The following LIMK1 variants were observed in gnomAD, a reference collection of about 807,000 sequenced individuals.
The protein encoded by LIMK1 is LIM domain kinase 1.
Under a neutral mutation model 77.6 loss-of-function variants are expected in LIMK1, and 21 were observed. The ratio of observed to expected loss-of-function variants is 0.27; its 90% CI spans 0.19 to 0.39. LIMK1 has a LOEUF of 0.39. Ranked by LOEUF, LIMK1 falls within the 10% of genes least tolerant of loss-of-function variation. The pLI is 1.00. For missense variants in LIMK1, 696 were observed against 901.6 expected (o/e 0.77, Z 2.92); for synonymous variants, 358 against 370.0 (o/e 0.97, Z 0.37).
rs1799399355 is a variant in LIMK1, at chr7:74,099,106, T to G, written c.476T>G (p.Leu159Arg). The G allele has an allele frequency of 6.2e-7, 1 of 1,612,796 alleles. No homozygotes were observed. The highest frequency in any genetic ancestry group is 1.3e-5 in the African/African-American group (1 of 74,574). ...QILPDSPGSH[L>R]PHTVTLVSIP... Reference sequence around the variant, plus strand: ...CTGCCTGACTCCCCTGGCTCCCACCTGCCCCACACCGTCACCCTGGTGTCC... The same window carrying G: ...CTGCCTGACTCCCCTGGCTCCCACCGGCCCCACACCGTCACCCTGGTGTCC... The change falls in exon 5 of 16, where the codon CTG (leucine) becomes CGG (arginine). Residue 159 changes from leucine to arginine, a missense_variant. Coordinates refer to ENST00000336180, the MANE Select transcript of LIMK1 (RefSeq NM_002314.4).
chr7:74,116,400 G>A (rs981895952), intron 13 of LIMK1, among the ~76,000 whole-genome samples: 3 of 152,068 alleles, frequency 2.0e-5, no homozygotes, highest in Non-Finnish European at 2.9e-5. Flanking sequence ...GGTGACGAGC[G>A]AAACTCCATC....
intron 2 of LIMK1, among the ~76,000 whole-genome samples, chr7:74,088,595 G>A (rs1324918277): frequency 1.3e-5 from 2 of 152,018 alleles, no homozygotes; most frequent in Non-Finnish European, 2.9e-5. Flanking sequence ...GACCCCAGGA[G>A]CTTGAGACCA....
chr7:74,096,903 C>A, intron 3 of LIMK1, 143 bp downstream of exon 3: 1 of 1,192,822 alleles, frequency 8.4e-7, no homozygotes, highest in Non-Finnish European at 1.2e-6. Flanking sequence ...GACTGTCTGT[C>A]TGTATCCCTC....
At position 74,106,961 on chromosome 7, in the gene LIMK1, G is replaced by A. The variant is rs369432229; in HGVS notation, c.882-49G>A. 258 of 1,482,800 alleles carry A rather than the reference G, an allele frequency of 1.7e-4. 3 individuals are homozygous for A. The African/African-American group carries it at 2.2e-3, about 13-fold the overall frequency. 91.9% of individuals were successfully genotyped at this position (1,482,800 alleles called of 1,614,324 possible). Reference sequence around the variant, plus strand: ...AGGAGGAAGGGGCAGGGCCTTGGCCGGGTGCTACCTGTCCCCCGGTGGCAC... The same window carrying A: ...AGGAGGAAGGGGCAGGGCCTTGGCCAGGTGCTACCTGTCCCCCGGTGGCAC... On this transcript the variant is annotated intron_variant, in intron 7 of 15. Transcript: ENST00000336180.
intron 1 of LIMK1, among the ~76,000 whole-genome samples, 181 bp downstream of exon 1, chr7:74,084,226 C>T (rs1363463502): frequency 6.6e-6 from 1 of 151,918 alleles, no homozygotes; most frequent in African/African-American, 2.4e-5. Context: ...CCCTCCCCGG[C>T]CCCCGGCGAG....
In LIMK1 at chr7:74,121,178, C is replaced by T; in HGVS notation, c.1821C>T (p.Leu607=). 4 of 1,613,724 alleles carry T rather than the reference C, an allele frequency of 2.5e-6. No homozygotes were observed. The highest frequency in any genetic ancestry group is 1.1e-5 in the South Asian group (1 of 91,084). ...AGCTGGAACACTGGCTGGAGACCCT[C>T]CGCATGCACCTGGCCGGCCACCTGC... ...FVKLEHWLET[L]RMHLAGHLPL... The change falls in exon 16 of 16, where the codon CTC becomes CTT. Residue 607 remains leucine (L), a synonymous_variant. Coordinates refer to ENST00000336180, the MANE Select transcript of LIMK1 (RefSeq NM_002314.4).
intron 2 of LIMK1, among the ~76,000 whole-genome samples, chr7:74,090,135 G>T (rs1238531931): frequency 6.6e-6 from 1 of 152,144 alleles, no homozygotes; most frequent in African/African-American, 2.4e-5. Flanking sequence ...AGCACTTTGG[G>T]AGGCCAAGGC....
Position 74,085,862 on chromosome 7 carries a change from G to T in LIMK1, c.152+18G>T. On this transcript the variant is annotated intron_variant, in intron 2 of 15. Transcript: ENST00000336180. Reference sequence around the variant, plus strand: ...TGCTTCAGGTAGGGTGGGGTGCCCAGGGCCTGTGTTGCCCTAAACAAGGCC... The same window carrying T: ...TGCTTCAGGTAGGGTGGGGTGCCCATGGCCTGTGTTGCCCTAAACAAGGCC... The T allele has an allele frequency of 6.5e-7, 1 of 1,538,600 alleles. No homozygotes were observed. The highest frequency in any genetic ancestry group is 1.2e-5 in the South Asian group (1 of 83,960).
chr7:74,117,905 C>T (rs373023751), intron 13 of LIMK1, among the ~76,000 whole-genome samples: 4 of 151,586 alleles, frequency 2.6e-5, no homozygotes, highest in East Asian at 3.9e-4. Flanking sequence ...GCCAGGAGTT[C>T]GAGACCAGCC....
chr7:74,093,501 C>T (rs782763306), intron 2 of LIMK1, among the ~76,000 whole-genome samples: 6 of 152,230 alleles, frequency 3.9e-5, no homozygotes, highest in Non-Finnish European at 5.9e-5. Flanking sequence ...GAGGCCGGTC[C>T]TCCACCTGCT....
chr7:74,087,216 A>G (rs1584104530), intron 2 of LIMK1, among the ~76,000 whole-genome samples: 1 of 152,106 alleles, frequency 6.6e-6, no homozygotes, highest in South Asian at 2.1e-4. Flanking sequence ...AAGCCTGGGC[A>G]ATATGGCAAC....
At chr7:74,114,551 C>CAAA (rs547931306) in intron 12 of LIMK1, among the ~76,000 whole-genome samples, 1 of 67,236 alleles carries the variant, frequency 1.5e-5, no homozygotes, top group Non-Finnish European at 3.3e-5. Flanking sequence ...GACTCTGCCT[C>CAAA]AAAAAAAAAA....
At chr7:74,120,271 G>T (rs1407344386) in intron 13 of LIMK1, among the ~76,000 whole-genome samples, 2 of 152,202 alleles carry the variant, frequency 1.3e-5, no homozygotes, top group African/African-American at 4.8e-5. Flanking sequence ...AGATTCCAGA[G>T]ACCTGACATG....
intron 12 of LIMK1, among the ~76,000 whole-genome samples, chr7:74,114,594 A>G (rs1799770187): frequency 1.3e-5 from 2 of 151,246 alleles, no homozygotes; most frequent in African/African-American, 2.4e-5. Context: ...CAAAAAACAT[A>G]GACCTCACCT....
In LIMK1 at chr7:74,108,957, T is replaced by C; in HGVS notation, c.1205T>C (p.Val402Ala). ...CCCAACGTGCTCAAGTTCATCGGGGTGCTCTACAAGGACAAGAGGCTCAAC... is the reference window on the plus strand; with the variant it reads ...CCCAACGTGCTCAAGTTCATCGGGGCGCTCTACAAGGACAAGAGGCTCAAC... ...EHPNVLKFIG[V>A]LYKDKRLNFI... is the part of the protein sequence containing the mutation. The change falls in exon 10 of 16, where the codon GTG (valine) becomes GCG (alanine). Residue 402 changes from valine (V) to alanine (A), a missense_variant. This residue lies in a region of LIMK1 where 438 missense variants were observed against 602.3 expected (regional missense o/e 0.73). Coordinates refer to ENST00000336180, the MANE Select transcript of LIMK1 (RefSeq NM_002314.4). 2 of 1,613,918 alleles carry C rather than the reference T, an allele frequency of 1.2e-6. No individual in the cohort carries two copies. The highest frequency in any genetic ancestry group is 1.7e-6 in the Non-Finnish European group (2 of 1,179,962).
Position 74,099,189 on chromosome 7 carries a change from G to T in LIMK1, c.559G>T (p.Gly187Cys). Residue 187 changes from glycine (G) to cysteine (C), a missense_variant, in exon 5 of 16, where the codon GGC (glycine) becomes TGC (cysteine). Physicochemically the swap from Gly to Cys is radical, Grantham distance 159 (BLOSUM62 -3). Transcript: ENST00000336180. Reference protein sequence around the residue: ...GLSVSIDPPHGPPGCGTEHSH... With the variant: ...GLSVSIDPPHCPPGCGTEHSH... ...TTCAGTCTCCATTGACCCCCCGCAC[G>T]GCCCACCGGGCTGTGGCACCGAGCA... The T allele has an allele frequency of 1.2e-6, 2 of 1,611,050 alleles. No individual in the cohort carries two copies. The highest frequency in any genetic ancestry group is 1.7e-6 in the Non-Finnish European group (2 of 1,180,006).
rs1170806551 is a variant in LIMK1 at position 74,107,146 on chromosome 7, A to C, written c.1018A>C (p.Ile340Leu). The C allele has an allele frequency of 6.2e-7, 1 of 1,612,934 alleles. No individual in the cohort carries two copies. The highest frequency in any genetic ancestry group is 1.3e-5 in the African/African-American group (1 of 74,946). ...CCGCATCTTCCGGCCGTCGGACCTC[A>C]TCCACGGGGAGGTGCTGGGCAAGGG... is the stretch of plus-strand genomic sequence containing the variant. ...PHRIFRPSDL[I>L]HGEVLGKGCF... is the part of the protein sequence containing the mutation. The change falls in exon 8 of 16, where the codon ATC (isoleucine) becomes CTC (leucine). Residue 340 changes from isoleucine (I) to leucine (L), a missense_variant. Physicochemically the swap from Ile to Leu is conservative, Grantham distance 5 (BLOSUM62 2). Around this residue, in one of 3 missense-constraint regions of LIMK1, gnomAD observed 438 missense variants for 602.3 expected, o/e 0.73. Coordinates refer to ENST00000336180, the MANE Select transcript of LIMK1 (RefSeq NM_002314.4).
At position 74,091,391 on chromosome 7, in the gene LIMK1, C is replaced by G. The variant is rs141784429; in HGVS notation, c.153-5231C>G. Among the ~76,000 whole-genome samples the G allele has an allele frequency of 7.3e-3, 1,105 of 152,238 alleles. 12 individuals carry two copies. Among genetic ancestry groups the G allele is most frequent in the African/African-American group, 0.025 (1,039 of 41,558 alleles). On this transcript the variant is annotated intron_variant, in intron 2 of 15. Transcript: ENST00000336180. The stretch of plus-strand genomic sequence containing the variant: ...AATTAGCCAGGCGTGGTGGTGCGTA[C>G]CTGTAGTCCCAGCTACTCAGGAGGC...
chr7:74,119,103 T>C (rs1799880299), intron 13 of LIMK1, among the ~76,000 whole-genome samples: 1 of 151,258 alleles, frequency 6.6e-6, no homozygotes, highest in Non-Finnish European at 1.5e-5. Context: ...CACCATGATC[T>C]CGATCTCCTG....
Sources: gnomAD v4.1 joint callset for allele counts (sites outside exome capture counted in the v4.1 genomes callset) on GRCh38, gnomAD v4.1.1 for gene constraint, gnomAD v4.1.1 regional missense constraint, MANE v1.5 for transcripts, NCBI Gene and HGNC (gene_info 2026-07-23, HGNC 2026-07-21) for gene names.